PPFIA2: variants seen among roughly 807,000 people sequenced by gnomAD.
PPFIA2 encodes PPFI scaffold protein A2, also known as liprin-alpha-2.
PPFIA2 carries 46 observed loss-of-function variants against 175.5 expected under a neutral mutation model. The observed-to-expected ratio is 0.26, with a 90% CI of 0.21 to 0.34. The LOEUF is 0.34. Ranked by LOEUF, PPFIA2 falls within the 10% of genes least tolerant of loss-of-function variation. The probability of loss-of-function intolerance (pLI) is 1.00; values close to 1 mark genes in which losing one functional copy is unlikely to be tolerated. For synonymous variants in PPFIA2, 568 were observed against 511.4 expected (o/e 1.11, Z -1.49); for missense variants, 1,179 against 1,506.1 (o/e 0.78, Z 3.60).
At chr12:81,570,845 C>T (rs2072404928) in intron 4 of PPFIA2, among the ~76,000 whole-genome samples, 1 of 151,744 alleles carries the variant, frequency 6.6e-6, no homozygotes, top group Non-Finnish European at 1.5e-5. Flanking sequence ...ATCATCCCAT[C>T]ATAGAAAGCC....
chr12:81,396,125 A>G (rs1358125387), intron 8 of PPFIA2, among the ~76,000 whole-genome samples: 3 of 152,026 alleles, frequency 2.0e-5, no homozygotes, highest in Non-Finnish European at 4.4e-5. Flanking sequence ...ATTATAATTA[A>G]GCTCTAAGAA....
At chr12:81,294,723 G>T in intron 24 of PPFIA2, 112 bp downstream of exon 24, 1 of 1,001,354 alleles carries the variant, frequency 1.0e-6, no homozygotes, top group Non-Finnish European at 1.5e-6. Context: ...AATCTCTTGA[G>T]AATAATTCAA....
At chr12:81,656,895 G>T (rs1407090267) in intron 4 of PPFIA2, among the ~76,000 whole-genome samples, 1 of 151,764 alleles carries the variant, frequency 6.6e-6, no homozygotes, top group Non-Finnish European at 1.5e-5. Context: ...AATCTTTAGG[G>T]CATATTCCTA....
At chr12:81,652,272 C>G (rs993046608) in intron 4 of PPFIA2, among the ~76,000 whole-genome samples, 1 of 148,374 alleles carries the variant, frequency 6.7e-6, no homozygotes, top group Non-Finnish European at 1.5e-5. Context: ...AAACAGAATA[C>G]CATTGAGGTT....
At chr12:81,746,529 GT>G (rs1568111888) in intron 3 of PPFIA2, among the ~76,000 whole-genome samples, 1 of 143,844 alleles carries the variant, frequency 7.0e-6, no homozygotes, top group Non-Finnish European at 1.6e-5. Flanking sequence ...TGGAGAATAA[GT>G]TTATAGAAAA....
chr12:81,470,447 G>A (rs1340080825), intron 4 of PPFIA2, among the ~76,000 whole-genome samples: 1 of 152,206 alleles, frequency 6.6e-6, no homozygotes, highest in Non-Finnish European at 1.5e-5. Context: ...AAGATGCAGA[G>A]GAGCCTCATA....
At chr12:81,299,228 C>A in intron 23 of PPFIA2, 73 bp downstream of exon 23, 1 of 1,478,532 alleles carries the variant, frequency 6.8e-7, no homozygotes, top group Non-Finnish European at 9.1e-7. Context: ...CAGAAACTTG[C>A]CGTTACCTGT....
chr12:81,360,442 G>A (rs1321278141), intron 15 of PPFIA2, among the ~76,000 whole-genome samples: 1 of 151,706 alleles, frequency 6.6e-6, no homozygotes, highest in African/African-American at 2.4e-5. Context: ...ATTACCCATC[G>A]CTCTGCTTCC....
rs945577203 is a variant in PPFIA2 at position 81,340,927 on chromosome 12, G to T, written c.2393+151C>A. On this transcript the variant is annotated intron_variant, in intron 20 of 32. Transcript: ENST00000549396. ...AATTTGATATCAAAATTGAAATTTG[G>T]TTATTTCACAAGTGATACTGGGAAA... is the stretch of plus-strand genomic sequence containing the variant. 4 of 821,416 alleles carry T rather than the reference G, an allele frequency of 4.9e-6. No homozygotes were observed. In the Admixed American group the frequency reaches 1.4e-4, roughly 29 times the overall value. 50.9% of individuals were successfully genotyped at this position (821,416 alleles called of 1,614,324 possible).
At chr12:81,372,060 G>A (rs189916661) in intron 11 of PPFIA2, among the ~76,000 whole-genome samples, 1 of 151,852 alleles carries the variant, frequency 6.6e-6, no homozygotes, top group Non-Finnish European at 1.5e-5. Flanking sequence ...TGCATTCTAT[G>A]TGAAAACTAT....
chr12:81,417,951 T>C (rs1246022259), intron 7 of PPFIA2, among the ~76,000 whole-genome samples: 1 of 151,818 alleles, frequency 6.6e-6, no homozygotes, highest in East Asian at 1.9e-4. Flanking sequence ...GTATCATATC[T>C]AAAAAGACCA....
intron 19 of PPFIA2, among the ~76,000 whole-genome samples, chr12:81,342,600 T>C (rs1168597167): frequency 6.6e-6 from 1 of 152,108 alleles, no homozygotes; most frequent in African/African-American, 2.4e-5. Context: ...ATCAGGAGAA[T>C]CTTTTTTCAA....
chr12:81,585,116 A>G (rs988274308), intron 4 of PPFIA2, among the ~76,000 whole-genome samples: 2 of 138,070 alleles, frequency 1.4e-5, no homozygotes, highest in African/African-American at 5.4e-5. Context: ...GCATAAATAT[A>G]TAGCATAAAA....
chr12:81,313,309 T>A (rs535351294), intron 22 of PPFIA2, among the ~76,000 whole-genome samples: 5 of 152,134 alleles, frequency 3.3e-5, no homozygotes, highest in Non-Finnish European at 7.4e-5. Context: ...GAAATTCCTA[T>A]GTCAGAAATT....
At chr12:81,310,993 T>C (rs1205035774) in intron 22 of PPFIA2, among the ~76,000 whole-genome samples, 1 of 152,232 alleles carries the variant, frequency 6.6e-6, no homozygotes, top group East Asian at 1.9e-4. Flanking sequence ...CTCATTGCAG[T>C]CATTTTATTG....
At chr12:81,365,811 G>A (rs369725274) in intron 14 of PPFIA2, among the ~76,000 whole-genome samples, 2 of 151,706 alleles carry the variant, frequency 1.3e-5, no homozygotes. Context: ...TTGTTCTAAA[G>A]ACCTATCTTT....
intron 7 of PPFIA2, among the ~76,000 whole-genome samples, chr12:81,415,725 A>C (rs1170480788): frequency 6.6e-6 from 1 of 151,000 alleles, no homozygotes; most frequent in Non-Finnish European, 1.5e-5. Flanking sequence ...AATCAAATAT[A>C]TTCTCAGGTA....
At chr12:81,537,793 G>A (rs1330622538) in intron 4 of PPFIA2, among the ~76,000 whole-genome samples, 4 of 151,806 alleles carry the variant, frequency 2.6e-5, no homozygotes, top group Non-Finnish European at 5.9e-5. Flanking sequence ...CTCTGCAAAT[G>A]TTCAATCTGA....
intron 4 of PPFIA2, among the ~76,000 whole-genome samples, chr12:81,590,564 A>T (rs1037179907): frequency 2.0e-5 from 3 of 151,906 alleles, no homozygotes; most frequent in African/African-American, 7.3e-5. Flanking sequence ...CTCACCTTGA[A>T]TTTTAACTCT....
Sources: allele counts gnomAD v4.1 joint callset (sites outside exome capture counted in the v4.1 genomes callset), GRCh38; gene constraint gnomAD v4.1.1; transcripts MANE v1.5; gene names NCBI Gene and HGNC (gene_info 2026-07-23, HGNC 2026-07-21).